Variants in STAG1 observed in about 807,000 individuals in gnomAD.
STAG1 encodes STAG1 cohesin complex component.
Under a neutral mutation model 170.9 loss-of-function variants are expected in STAG1, and 26 were observed. The observed-to-expected ratio is 0.15, with a 90% confidence interval of 0.11 to 0.21. The LOEUF is 0.21. Among genes scored for constraint, STAG1 ranks in the 10% least tolerant of loss-of-function variants. The pLI, the probability that STAG1 is intolerant of heterozygous loss-of-function variation, is 1.00. For missense variants in STAG1, 964 were observed against 1,509.5 expected, an observed-to-expected ratio of 0.64 and a Z score of 5.99; for synonymous variants, 514 against 497.7, an observed-to-expected ratio of 1.03 and a Z score of -0.44.
chr3:136,751,739 C>A (rs1935254562), intron 1 of STAG1, among the ~76,000 whole-genome samples: 1 of 151,774 alleles, frequency 6.6e-6, no homozygotes, highest in Non-Finnish European at 1.5e-5. Flanking sequence ...CGGCAGGCGG[C>A]GGAAGGCATT....
intron 1 of STAG1, among the ~76,000 whole-genome samples, chr3:136,672,511 A>T (rs953193174): frequency 3.3e-5 from 5 of 152,208 alleles, no homozygotes; most frequent in Admixed American, 6.5e-5. Context: ...AGAGAAAAAG[A>T]CTATCACAAA....
chr3:136,542,902 G>A (rs13326151), intron 5 of STAG1, among the ~76,000 whole-genome samples: 24,943 of 151,860 alleles, frequency 0.16, 2,724 homozygotes, highest in Non-Finnish European at 0.24. Context: ...AAAGTTTCCC[G>A]GTATCAGACC....
At chr3:136,682,005 T>C (rs1942352502) in intron 1 of STAG1, among the ~76,000 whole-genome samples, 1 of 152,102 alleles carries the variant, frequency 6.6e-6, no homozygotes, top group East Asian at 1.9e-4. Context: ...TTCAACATGG[T>C]GCTGGAAGTC....
At chr3:136,407,525 G>A (rs1352946267) in intron 21 of STAG1, among the ~76,000 whole-genome samples, 4 of 151,184 alleles carry the variant, frequency 2.6e-5, no homozygotes, top group African/African-American at 4.9e-5. Flanking sequence ...ACAATGGTGC[G>A]ATCTTGGCTC....
chr3:136,630,098 G>C (rs1940272162), intron 2 of STAG1, among the ~76,000 whole-genome samples: 1 of 152,122 alleles, frequency 6.6e-6, no homozygotes, highest in African/African-American at 2.4e-5. Context: ...AGGAGGTCGA[G>C]GCAGGAGAAT....
chr3:136,657,185 CTTTCTTT>C (rs1347458676), intron 1 of STAG1, among the ~76,000 whole-genome samples: 3 of 74,906 alleles, frequency 4.0e-5, no homozygotes, highest in Admixed American at 1.3e-4. Flanking sequence ...ACGTTTCTTT[CTTTCTTT>C]TTTTTTTTTT....
intron 1 of STAG1, among the ~76,000 whole-genome samples, chr3:136,674,027 T>C (rs1394712246): frequency 7.1e-6 from 1 of 140,606 alleles, no homozygotes; most frequent in Non-Finnish European, 1.5e-5. Context: ...CACTTGAACC[T>C]GGGAGGTGGA....
chr3:136,420,077 T>C (rs979137477), intron 20 of STAG1, among the ~76,000 whole-genome samples: 11 of 151,734 alleles, frequency 7.2e-5, no homozygotes, highest in African/African-American at 2.2e-4. Flanking sequence ...GGTGAAACCA[T>C]CTCTATTAAA....
intron 12 of STAG1, among the ~76,000 whole-genome samples, chr3:136,471,991 C>T (rs1179285805): frequency 1.3e-5 from 2 of 152,116 alleles, no homozygotes; most frequent in East Asian, 3.9e-4. Flanking sequence ...GCATGTGCCA[C>T]CATGCCAGTT....
chr3:136,684,336 T>C (rs542900667), intron 1 of STAG1, among the ~76,000 whole-genome samples: 65 of 152,112 alleles, frequency 4.3e-4, no homozygotes, highest in Admixed American at 1.8e-3. Flanking sequence ...ATACGACAAA[T>C]AGATCAACAG....
chr3:136,627,296 CAAGGA>C (rs200029230), intron 2 of STAG1, among the ~76,000 whole-genome samples: 1,706 of 152,194 alleles, frequency 0.011, 20 homozygotes, highest in African/African-American at 0.039. Context: ...TATAAGAATA[CAAGGA>C]AAAGTTTCAC....
chr3:136,518,664 C>G lies in STAG1; in HGVS notation c.676+2549G>C, dbSNP rs547880755. On this transcript the variant is annotated intron_variant, in intron 7 of 33. Transcript: ENST00000383202. ...AATTAGTGTAGACACATGGGAATTA[C>G]AGTAATACGTTAAAGTAAATTGAGA... Among the ~76,000 whole-genome samples the G allele has an allele frequency of 3.3e-5, 5 of 152,166 alleles. No homozygotes were observed. In the East Asian group the frequency reaches 9.6e-4, roughly 29 times the overall value.
At chr3:136,529,180 T>G (rs1294178733) in intron 6 of STAG1, among the ~76,000 whole-genome samples, 1 of 151,976 alleles carries the variant, frequency 6.6e-6, no homozygotes, top group Non-Finnish European at 1.5e-5. Context: ...AGCACCCAAA[T>G]GTTCAATTTG....
chr3:136,344,630 T>C (rs1417032410), intron 29 of STAG1, among the ~76,000 whole-genome samples: 1 of 152,126 alleles, frequency 6.6e-6, no homozygotes, highest in African/African-American at 2.4e-5. Context: ...AACTTTTTTT[T>C]CAAGACGGAG....
intron 13 of STAG1, among the ~76,000 whole-genome samples, chr3:136,463,805 A>T (rs1456309006): frequency 6.9e-6 from 1 of 144,456 alleles, no homozygotes; most frequent in Non-Finnish European, 1.5e-5. Flanking sequence ...ACATATACAT[A>T]CATATATACA....
At chr3:136,370,329 G>A (rs1382258138) in intron 23 of STAG1, among the ~76,000 whole-genome samples, 1 of 151,744 alleles carries the variant, frequency 6.6e-6, no homozygotes, top group South Asian at 2.1e-4. Context: ...GTAGGCCTAG[G>A]CTAATGTATG....
chr3:136,488,979 AG>A (rs1404278120), intron 9 of STAG1, among the ~76,000 whole-genome samples: 4 of 152,222 alleles, frequency 2.6e-5, no homozygotes, highest in Non-Finnish European at 4.4e-5. Context: ...AGAGTAATGC[AG>A]GGGGTGCAAA....
At chr3:136,394,404 T>C (rs191829004) in intron 22 of STAG1, among the ~76,000 whole-genome samples, 1 of 152,048 alleles carries the variant, frequency 6.6e-6, no homozygotes, top group Non-Finnish European at 1.5e-5. Flanking sequence ...GTAAGAAAAA[T>C]TCCACATATG....
At chr3:136,338,332 G>A in intron 33 of STAG1, 38 bp downstream of exon 33, 1 of 1,587,216 alleles carries the variant, frequency 6.3e-7, no homozygotes, top group Non-Finnish European at 8.7e-7. Context: ...CAGGACCCAG[G>A]AACCATAAAT....
Sources: gnomAD v4.1 joint callset for allele counts (sites outside exome capture counted in the v4.1 genomes callset) on GRCh38, gnomAD v4.1.1 for gene constraint, MANE v1.5 for transcripts, NCBI Gene and HGNC (gene_info 2026-07-23, HGNC 2026-07-21) for gene names.